AFG1L: variants seen among roughly 807,000 people sequenced by gnomAD.
The protein encoded by AFG1L is AFG1-like ATPase.
In AFG1L, 53 loss-of-function variants were observed where a neutral mutation model predicts 62.2. That is an observed-to-expected ratio of 0.85 (90% CI 0.68 to 1.07). The LOEUF (loss-of-function observed/expected upper bound fraction) is 1.07, where lower values mean the gene tolerates loss of function less well. Ranked by LOEUF, AFG1L falls within the 50% of genes least tolerant of loss-of-function variation. AFG1L has a pLI of 0.00. For synonymous variants in AFG1L, 228 were observed against 210.3 expected (o/e 1.08, Z -0.73); for missense variants, 555 against 590.5 (o/e 0.94, Z 0.62).
At chr6:108,381,973 T>C (rs1780546000) in intron 6 of AFG1L, among the ~76,000 whole-genome samples, 1 of 151,430 alleles carries the variant, frequency 6.6e-6, no homozygotes, top group South Asian at 2.1e-4. Flanking sequence ...CAGTGAACTT[T>C]GGAGTTTCTG....
chr6:108,336,691 C>G (rs766726451), intron 2 of AFG1L, among the ~76,000 whole-genome samples: 7 of 152,140 alleles, frequency 4.6e-5, no homozygotes, highest in Non-Finnish European at 8.8e-5. Flanking sequence ...AAAAGTAATA[C>G]AGTAGTCACC....
intron 6 of AFG1L, among the ~76,000 whole-genome samples, chr6:108,380,510 C>T (rs1388864724): frequency 6.6e-6 from 1 of 152,196 alleles, no homozygotes; most frequent in Non-Finnish European, 1.5e-5. Flanking sequence ...TCTTCCGTGC[C>T]AGGCTTGTGA....
chr6:108,378,820 C>A (rs1780363715), intron 6 of AFG1L, among the ~76,000 whole-genome samples: 1 of 151,298 alleles, frequency 6.6e-6, no homozygotes, highest in South Asian at 2.1e-4. Context: ...GGATTTTTTT[C>A]TTTTTCTTTT....
At chr6:108,500,389 A>C (rs780414191) in intron 10 of AFG1L, among the ~76,000 whole-genome samples, 2 of 152,186 alleles carry the variant, frequency 1.3e-5, no homozygotes, top group South Asian at 2.1e-4. Context: ...ACCAAACTAC[A>C]TATCGATGCT....
chr6:108,363,664 C>T (rs1038820600), intron 5 of AFG1L, among the ~76,000 whole-genome samples: 2 of 151,298 alleles, frequency 1.3e-5, no homozygotes, highest in African/African-American at 4.9e-5. Context: ...CATATCTCTT[C>T]TGAGAGGGAC....
At chr6:108,500,397 G>A (rs1774148114) in intron 10 of AFG1L, among the ~76,000 whole-genome samples, 1 of 152,106 alleles carries the variant, frequency 6.6e-6, no homozygotes, top group Non-Finnish European at 1.5e-5. Context: ...ACATATCGAT[G>A]CTGCCAAATC....
In AFG1L at chr6:108,525,650, T is replaced by C. The variant is rs540070468; in HGVS notation, c.*3225T>C. On this transcript the variant is annotated 3_prime_UTR_variant, in exon 13 of 13. Coordinates refer to ENST00000368977, the MANE Select transcript of AFG1L (RefSeq NM_145315.5). ...TTTATAAATAAACTCTTTTGATCCA[T>C]ATAACAGTCTTATGAGATAGGTGCC... is the stretch of plus-strand genomic sequence containing the variant. 1 of 152,374 alleles carries C rather than the reference T, an allele frequency of 6.6e-6. No individual in the cohort carries two copies. Among genetic ancestry groups the C allele is most frequent in the South Asian group, 2.1e-4 (1 of 4,828 alleles). 9.4% of individuals were successfully genotyped at this position (152,374 alleles called of 1,614,324 possible). A position where few individuals can be genotyped will look rare whatever the true frequency, so the allele number is the denominator to read the frequency against.
chr6:108,434,853 G>A (rs376184664), intron 7 of AFG1L, among the ~76,000 whole-genome samples: 12 of 152,216 alleles, frequency 7.9e-5, no homozygotes, highest in African/African-American at 1.9e-4. Flanking sequence ...TCCCCAATTC[G>A]CTAAGCTGTC....
intron 3 of AFG1L, among the ~76,000 whole-genome samples, chr6:108,347,790 G>T (rs1318310579): frequency 1.3e-5 from 2 of 151,898 alleles, no homozygotes; most frequent in African/African-American, 4.8e-5. Context: ...TTGCCTCCTT[G>T]CTTTCAATTA....
chr6:108,475,955 G>A (rs947382794), intron 8 of AFG1L, among the ~76,000 whole-genome samples: 1 of 152,176 alleles, frequency 6.6e-6, no homozygotes, highest in Non-Finnish European at 1.5e-5. Flanking sequence ...CCACTACTAC[G>A]TAAGAGTGAT....
intron 6 of AFG1L, among the ~76,000 whole-genome samples, chr6:108,389,300 C>T (rs575853288): frequency 6.1e-4 from 93 of 152,252 alleles, no homozygotes; most frequent in African/African-American, 2.2e-3. Flanking sequence ...TTCCTGAATA[C>T]AGCACACTGA....
intron 6 of AFG1L, among the ~76,000 whole-genome samples, chr6:108,378,615 G>A (rs1048121738): frequency 3.3e-5 from 5 of 152,030 alleles, no homozygotes; most frequent in Admixed American, 6.6e-5. Context: ...CACCACACCC[G>A]GCCTATGCTT....
chr6:108,311,898 T>C (rs1777427149), intron 1 of AFG1L, among the ~76,000 whole-genome samples: 1 of 152,202 alleles, frequency 6.6e-6, no homozygotes, highest in Non-Finnish European at 1.5e-5. Context: ...AGCGTCTTGC[T>C]CTGTTGCCCA....
At chr6:108,434,967 GGTTA>G (rs1268664568) in intron 7 of AFG1L, among the ~76,000 whole-genome samples, 1 of 152,102 alleles carries the variant, frequency 6.6e-6, no homozygotes, top group Non-Finnish European at 1.5e-5. Context: ...ACATTTTTGG[GGTTA>G]GTTGTTACTG....
chr6:108,515,451 A>G (rs1562207295), intron 11 of AFG1L, among the ~76,000 whole-genome samples: 2 of 152,216 alleles, frequency 1.3e-5, no homozygotes, highest in African/African-American at 4.8e-5. Flanking sequence ...TTTGAAACCA[A>G]CGAGAACAAA....
At chr6:108,395,112 A>G (rs1041623728) in intron 6 of AFG1L, among the ~76,000 whole-genome samples, 7 of 152,176 alleles carry the variant, frequency 4.6e-5, no homozygotes, top group Admixed American at 4.6e-4. Context: ...AAATATAACC[A>G]AATTGAAACC....
chr6:108,372,709 A>C (rs1358286725), intron 6 of AFG1L: 1 of 154,480 alleles, frequency 6.5e-6, no homozygotes, highest in African/African-American at 2.4e-5. Flanking sequence ...ATTTACTTGC[A>C]GAGAGGAGTA....
intron 7 of AFG1L, among the ~76,000 whole-genome samples, chr6:108,422,296 A>G (rs1770625665): frequency 6.6e-6 from 1 of 151,790 alleles, no homozygotes; most frequent in Admixed American, 6.6e-5. Context: ...AAAGCATTGC[A>G]TTTATTCTGA....
At chr6:108,443,653 T>C (rs1771637140) in intron 7 of AFG1L, among the ~76,000 whole-genome samples, 1 of 152,104 alleles carries the variant, frequency 6.6e-6, no homozygotes, top group Admixed American at 6.6e-5. Context: ...GGGGAGCAGA[T>C]CACTTGAGGC....
Sources: gnomAD v4.1 joint callset for allele counts (sites outside exome capture counted in the v4.1 genomes callset) on GRCh38, gnomAD v4.1.1 for gene constraint, MANE v1.5 for transcripts, NCBI Gene and HGNC (gene_info 2026-07-23, HGNC 2026-07-21) for gene names.